The following ASAH1 variants were observed in gnomAD, a reference collection of about 807,000 sequenced individuals.
ASAH1 encodes the protein N-acylsphingosine amidohydrolase 1, also known as acid ceramidase.
ASAH1 carries 70 observed loss-of-function variants against 59.5 expected under a neutral mutation model. That is an observed-to-expected ratio of 1.18 (90% CI 0.97 to 1.43). The LOEUF (loss-of-function observed/expected upper bound fraction) is 1.43. ASAH1 is among the 40% of genes most tolerant of loss of function. ASAH1 has a pLI of 0.00. For synonymous variants in ASAH1, 213 were observed against 166.5 expected, an observed-to-expected ratio of 1.28 and a Z score of -2.15; for missense variants, 660 against 482.5, an observed-to-expected ratio of 1.37 and a Z score of -3.45.
At chr8:18,071,926 C>G (rs942962435) in intron 2 of ASAH1, among the ~76,000 whole-genome samples, 7 of 152,198 alleles carry the variant, frequency 4.6e-5, no homozygotes, top group African/African-American at 1.7e-4. Context: ...TGTCAGCCAT[C>G]CTAATCTTCC....
intron 1 of ASAH1, 194 bp downstream of exon 1, chr8:18,083,787 G>A (rs1444691128): frequency 4.5e-6 from 5 of 1,120,874 alleles, no homozygotes; most frequent in Non-Finnish European, 6.2e-6. Context: ...GTTGCAGGTA[G>A]CACCGAATCT....
rs34475490 is a variant in ASAH1 at position 18,061,723 on chromosome 8, T to C, written c.666A>G (p.Thr222=). ...CATTTATACTGAAACGTTCATTCAG[T>C]GTAAGACTGAACAGTCCCTGAGAAA... ...TGFKPGLFSL[T]LNERFSINGG... The change falls in exon 9 of 14, where the codon ACA becomes ACG. Residue 222 remains threonine, a synonymous_variant. Transcript: ENST00000637790. 1,307 of 1,580,054 alleles carry C rather than the reference T, an allele frequency of 8.3e-4. 6 individuals are homozygous for C. The African/African-American group carries it at 0.016, about 19-fold the overall frequency.
intron 5 of ASAH1, chr8:18,066,422 C>CAAAAAAAAA (rs35999931): frequency 7.9e-6 from 1 of 127,336 alleles, no homozygotes; most frequent in Non-Finnish European, 1.7e-5. Flanking sequence ...CAAAGAAAAC[C>CAAAAAAAAA]AAAAAAAAAA....
chr8:18,058,709 TA>T, intron 13 of ASAH1, 125 bp downstream of exon 13: 2 of 848,948 alleles, frequency 2.4e-6, no homozygotes, highest in South Asian at 1.5e-5. Context: ...CATTTTTTAA[TA>T]AAAAATCAGT....
chr8:18,057,606 G>T lies in ASAH1; in HGVS notation c.1116C>A (p.Thr372=). Residue 372 remains threonine (T), a synonymous_variant, in exon 14 of 14, where the codon ACC becomes ACA. Coordinates refer to ENST00000637790, the MANE Select transcript of ASAH1 (RefSeq NM_177924.5). The stretch of plus-strand genomic sequence containing the variant: ...ATTGACCTTTGGTAACATCTATCAA[G>T]GTTGTGTATACGGTCAGCTGAAAGA... ...PVLNKLTVYT[T]LIDVTKGQFE... 6.2e-7 allele frequency: 1 copy of T among 1,602,898 alleles called. No homozygotes were observed. Among genetic ancestry groups the T allele is most frequent in the Non-Finnish European group, 8.5e-7 (1 of 1,172,742 alleles).
At chr8:18,073,690 G>C (rs1364517384) in intron 2 of ASAH1, among the ~76,000 whole-genome samples, 1 of 152,194 alleles carries the variant, frequency 6.6e-6, no homozygotes, top group Non-Finnish European at 1.5e-5. Context: ...CATGGATGCT[G>C]CCCAAATCTA....
chr8:18,072,344 A>T (rs746363111), intron 2 of ASAH1, among the ~76,000 whole-genome samples: 6 of 152,164 alleles, frequency 3.9e-5, no homozygotes, highest in Admixed American at 6.5e-5. Context: ...ATAGCTGGGG[A>T]TGGGTTATTA....
At position 18,056,381 on chromosome 8, in the gene ASAH1, A is replaced by T. The variant is rs1799470807; in HGVS notation, c.*1153T>A. 6.6e-6 allele frequency: 1 copy of T among 152,152 alleles called. No homozygotes were observed. Among genetic ancestry groups the T allele is most frequent in the African/African-American group, 2.4e-5 (1 of 41,410 alleles). 9.4% of individuals were successfully genotyped at this position (152,152 alleles called of 1,614,324 possible). A position where few individuals can be genotyped will look rare whatever the true frequency, so the allele number is the denominator to read the frequency against. ...TACGATGTTCAGCTTGTATTTCTTG[A>T]TAATAACCCCCCTCCTCCAAACCAA... is the stretch of plus-strand genomic sequence containing the variant. On this transcript the variant is annotated 3_prime_UTR_variant, in exon 14 of 14. Transcript: ENST00000637790.
intron 1 of ASAH1, among the ~76,000 whole-genome samples, chr8:18,081,502 T>C (rs936298394): frequency 2.0e-5 from 3 of 152,246 alleles, no homozygotes; most frequent in African/African-American, 7.2e-5. Context: ...AATAAGAGTC[T>C]ACAGAACCCT....
intron 4 of ASAH1, among the ~76,000 whole-genome samples, chr8:18,069,283 G>T (rs752262449): frequency 6.6e-5 from 10 of 152,026 alleles, no homozygotes; most frequent in Non-Finnish European, 1.3e-4. Flanking sequence ...ACAAAAACGG[G>T]GCTGAGAAAT....
rs1056985038 is a variant in ASAH1, at chr8:18,059,430, G to T, written c.952C>A (p.Gln318Lys). The change falls in exon 12 of 14, where the codon CAA (glutamine) becomes AAA (lysine). Residue 318 changes from glutamine (Q) to lysine (K), a missense_variant. Gln to Lys is a moderately conservative substitution (Grantham distance 53, BLOSUM62 1). Coordinates refer to ENST00000637790, the MANE Select transcript of ASAH1 (RefSeq NM_177924.5). The stretch of plus-strand genomic sequence containing the variant: ...TGTTTCCAACGGTCATAATTTGTTT[G>T]TACCACATACCATCTACCCTGCTTA... ...DAKQGRWYVVQTNYDRWKHPF... is the reference protein window; with the variant it reads ...DAKQGRWYVVKTNYDRWKHPF... 6 of 1,614,166 alleles carry T rather than the reference G, an allele frequency of 3.7e-6. No homozygotes were observed. Among genetic ancestry groups the T allele is most frequent in the African/African-American group, 1.3e-5 (1 of 75,044 alleles).
At chr8:18,059,053 C>A in intron 12 of ASAH1, 162 bp from the exon 13 acceptor site, 1 of 706,562 alleles carries the variant, frequency 1.4e-6, no homozygotes, top group Middle Eastern at 2.4e-4. Flanking sequence ...ACACAGGTAA[C>A]AGTTTTAATG....
In ASAH1 at chr8:18,067,231, T is replaced by G. The variant is rs764679567; in HGVS notation, c.371A>C (p.Asp124Ala). ...EEMKGIAAVT[D>A]IPLGEIISFN... ...TAAGTGAACTTTACCTAAAGGTATA[T>G]CAGTAACAGCGGCAATACCCTTCAT... The change falls in exon 5 of 14, where the codon GAT (aspartate) becomes GCT (alanine). Residue 124 changes from aspartate to alanine, a missense_variant. Transcript: ENST00000637790. 8.1e-6 allele frequency: 13 copies of G among 1,596,616 alleles called. No homozygotes were observed. In the South Asian group the frequency reaches 1.0e-4, roughly 12 times the overall value.
intron 12 of ASAH1, 177 bp downstream of exon 12, chr8:18,059,164 A>C: frequency 1.0e-6 from 1 of 952,802 alleles, no homozygotes; most frequent in South Asian, 1.6e-5. Context: ...AGGAAAGTAC[A>C]GCACAATTTT....
At chr8:18,078,030 T>C (rs961722000) in intron 1 of ASAH1, among the ~76,000 whole-genome samples, 12 of 152,190 alleles carry the variant, frequency 7.9e-5, no homozygotes, top group Middle Eastern at 3.2e-3. Context: ...TGGCTTTCCC[T>C]GTTCTATCAA....
Position 18,067,313 on chromosome 8 carries a change from T to C in ASAH1, c.304-15A>G, listed in dbSNP as rs1023794926. Reference sequence around the variant, plus strand: ...AGTAGGCCAGGCTGGAAAACAAATATATTAATAAAAGCATTTAACATAATA... The same window carrying C: ...AGTAGGCCAGGCTGGAAAACAAATACATTAATAAAAGCATTTAACATAATA... On this transcript the variant is annotated splice_polypyrimidine_tract_variant and intron_variant, in intron 4 of 13. Transcript: ENST00000637790. 2.6e-6 allele frequency: 4 copies of C among 1,546,646 alleles called. No homozygotes were observed. The highest frequency in any genetic ancestry group is 1.4e-5 in the African/African-American group (1 of 73,604).
chr8:18,082,036 C>T (rs1240382079), intron 1 of ASAH1, among the ~76,000 whole-genome samples: 1 of 152,166 alleles, frequency 6.6e-6, no homozygotes, highest in Non-Finnish European at 1.5e-5. Flanking sequence ...AACACGTTTG[C>T]AACAATGAAA....
At chr8:18,059,527 G>A (rs377398635) in intron 11 of ASAH1, 45 bp downstream of exon 11, 16 of 1,614,062 alleles carry the variant, frequency 9.9e-6, no homozygotes, top group Non-Finnish European at 1.4e-5. Flanking sequence ...GTATATCAGT[G>A]TATGCTTTTG....
chr8:18,069,838 G>T lies in ASAH1; in HGVS notation c.257C>A (p.Thr86Lys). The T allele has an allele frequency of 1.3e-6, 2 of 1,592,100 alleles. No homozygotes were observed. The highest frequency in any genetic ancestry group is 1.7e-6 in the Non-Finnish European group (2 of 1,161,810). Residue 86 changes from threonine (T) to lysine (K), a missense_variant, in exon 4 of 14, where the codon ACA becomes AAA. Coordinates refer to ENST00000637790, the MANE Select transcript of ASAH1 (RefSeq NM_177924.5). ...CATAATTTTTCCACTTGGCACGAAT[G>T]TATTTATCATATTCTTCAGAGAATT... ...IVNSLKNMIN[T>K]FVPSGKIMQV...
Sources: gnomAD v4.1 joint callset for allele counts (sites outside exome capture counted in the v4.1 genomes callset) on GRCh38, gnomAD v4.1.1 for gene constraint, MANE v1.5 for transcripts, NCBI Gene and HGNC (gene_info 2026-07-23, HGNC 2026-07-21) for gene names.